The following IL1RAPL1 variants were observed in gnomAD, a reference collection of about 807,000 sequenced individuals.
IL1RAPL1 encodes the protein interleukin-1 receptor accessory protein-like 1.
In IL1RAPL1, 3 loss-of-function variants were observed where a neutral mutation model predicts 48.4. That is an observed-to-expected ratio of 0.06 (90% CI 0.03 to 0.16). The LOEUF (loss-of-function observed/expected upper bound fraction) is 0.16. Among genes scored for constraint, IL1RAPL1 ranks in the 10% least tolerant of loss-of-function variants. The probability of loss-of-function intolerance (pLI) is 1.00; values close to 1 mark genes in which losing one functional copy is unlikely to be tolerated. For missense variants in IL1RAPL1, 349 were observed against 530.6 expected (o/e 0.66, Z 3.36); for synonymous variants, 185 against 187.7 (o/e 0.99, Z 0.12).
intron 2 of IL1RAPL1, among the ~76,000 whole-genome samples, chrX:29,012,209 A>G (rs369094793): frequency 8.9e-6 from 1 of 112,634 alleles, no homozygotes; most frequent in South Asian, 3.6e-4. Context: ...TCTAGATAGC[A>G]TCTAGTTTGA....
intron 5 of IL1RAPL1, among the ~76,000 whole-genome samples, chrX:29,461,887 C>T (rs1448223337): frequency 9.0e-6 from 1 of 111,495 alleles, no homozygotes; most frequent in Non-Finnish European, 1.9e-5. Context: ...TACAAATTGG[C>T]ATGAAGAAAC....
intron 5 of IL1RAPL1, among the ~76,000 whole-genome samples, chrX:29,415,518 C>T (rs1263237867): frequency 9.0e-6 from 1 of 110,516 alleles, no homozygotes; most frequent in Non-Finnish European, 1.9e-5. Context: ...CTCCCGGGTT[C>T]AAGTGATTCT....
rs1932877731 is a variant in IL1RAPL1, at chrX:29,925,409, ACTG to A, written c.1057+5316_1057+5318del. ...AGTCAAAATTTTCTTCTGTCCCGTA[ACTG>A]TTTTTTTTTTTTTTTTTTTTTTTTT... On this transcript the variant is annotated intron_variant, in intron 8 of 10. Coordinates refer to ENST00000378993, the MANE Select transcript of IL1RAPL1 (RefSeq NM_014271.4). Among the ~76,000 whole-genome samples the A allele has an allele frequency of 3.1e-4, 4 of 12,737 alleles. No individual in the cohort carries two copies. The South Asian group carries it at 0.017, about 54-fold the overall frequency. 11.1% of individuals were successfully genotyped at this position (12,737 alleles called of 115,157 possible).
At chrX:29,210,829 T>A (rs1001354453) in intron 2 of IL1RAPL1, among the ~76,000 whole-genome samples, 1 of 112,187 alleles carries the variant, frequency 8.9e-6, no homozygotes, top group Non-Finnish European at 1.9e-5. Context: ...TATGAAATCT[T>A]CTATTCTTTG....
intron 3 of IL1RAPL1, among the ~76,000 whole-genome samples, chrX:29,367,552 T>TTTTA (rs35288881): frequency 0.15 from 14,396 of 98,374 alleles, 1,301 homozygotes; most frequent in East Asian, 0.41. Flanking sequence ...TTCTATTTAT[T>TTTTA]TTTATTTATT....
At chrX:28,798,452 C>T (rs1569175298) in intron 2 of IL1RAPL1, among the ~76,000 whole-genome samples, 1 of 111,890 alleles carries the variant, frequency 8.9e-6, no homozygotes, top group Non-Finnish European at 1.9e-5. Flanking sequence ...CTCTCTCTTT[C>T]CCTTATAAGG....
At chrX:29,131,996 A>C (rs1929032577) in intron 2 of IL1RAPL1, among the ~76,000 whole-genome samples, 4 of 111,737 alleles carry the variant, frequency 3.6e-5, no homozygotes, top group Admixed American at 1.9e-4. Flanking sequence ...GCTTTCTGTA[A>C]GTCTGATGTC....
intron 6 of IL1RAPL1, among the ~76,000 whole-genome samples, chrX:29,843,767 T>C (rs757767428): frequency 9.3e-6 from 1 of 107,721 alleles, no homozygotes; most frequent in Admixed American, 9.9e-5. Context: ...CTCTCTCTCT[T>C]CAATTCTCTC....
chrX:28,740,274 A>G (rs772145157), intron 1 of IL1RAPL1, among the ~76,000 whole-genome samples: 4 of 112,060 alleles, frequency 3.6e-5, no homozygotes, highest in Non-Finnish European at 7.5e-5. Flanking sequence ...CTGAATTTAA[A>G]CTAAGCTGCT....
chrX:28,788,588 T>C (rs1936497455), intron 1 of IL1RAPL1, among the ~76,000 whole-genome samples: 1 of 108,272 alleles, frequency 9.2e-6, no homozygotes, highest in Non-Finnish European at 1.9e-5. Flanking sequence ...TACATCAGCC[T>C]CCCAAGTAGC....
intron 2 of IL1RAPL1, among the ~76,000 whole-genome samples, chrX:28,967,636 C>T (rs1924952659): frequency 9.0e-6 from 1 of 111,595 alleles, no homozygotes; most frequent in Non-Finnish European, 1.9e-5. Flanking sequence ...AAGCACTTGA[C>T]ATTTAAATAC....
intron 6 of IL1RAPL1, among the ~76,000 whole-genome samples, chrX:29,765,641 C>G (rs1032385003): frequency 8.9e-6 from 1 of 111,994 alleles, no homozygotes; most frequent in African/African-American, 3.3e-5. Flanking sequence ...CATCAAGATA[C>G]AGCTGTTTGA....
intron 8 of IL1RAPL1, among the ~76,000 whole-genome samples, chrX:29,936,147 G>C (rs1481050289): frequency 9.2e-6 from 1 of 109,213 alleles, no homozygotes; most frequent in Non-Finnish European, 1.9e-5. Context: ...ATGTATTGTA[G>C]AACTGAGTTG....
intron 2 of IL1RAPL1, among the ~76,000 whole-genome samples, chrX:28,903,312 G>T (rs1403156028): frequency 1.8e-5 from 2 of 110,875 alleles, no homozygotes; most frequent in African/African-American, 3.3e-5. Flanking sequence ...TAGAGATGGG[G>T]TTTTGCCATG....
intron 2 of IL1RAPL1, among the ~76,000 whole-genome samples, chrX:28,850,455 TC>T (rs1269265127): frequency 3.6e-5 from 4 of 110,814 alleles, no homozygotes; most frequent in African/African-American, 1.3e-4. Context: ...ATGTGGGAAC[TC>T]CACTGATGGC....
chrX:29,338,307 T>C (rs895998778), intron 3 of IL1RAPL1, among the ~76,000 whole-genome samples: 5 of 111,561 alleles, frequency 4.5e-5, no homozygotes, highest in Non-Finnish European at 7.5e-5. Flanking sequence ...GCCAAATACA[T>C]TTGAACATAG....
chrX:29,231,338 A>T (rs1931198699), intron 2 of IL1RAPL1, among the ~76,000 whole-genome samples: 1 of 111,616 alleles, frequency 9.0e-6, no homozygotes, highest in South Asian at 3.7e-4. Flanking sequence ...AGCAGTTTGC[A>T]ACCGGTTCTG....
At chrX:28,789,748 ATAT>A (rs775543488) in intron 2 of IL1RAPL1, among the ~76,000 whole-genome samples, 48 of 111,937 alleles carry the variant, frequency 4.3e-4, no homozygotes, top group Non-Finnish European at 7.9e-4. Context: ...TTGCATGGAA[ATAT>A]TATTGTATCT....
At position 29,568,219 on chromosome X, in the gene IL1RAPL1, A is replaced by G. The variant is rs7890219; in HGVS notation, c.704-100211A>G. On this transcript the variant is annotated intron_variant, in intron 5 of 10. Coordinates refer to ENST00000378993, the MANE Select transcript of IL1RAPL1 (RefSeq NM_014271.4). ...GAATAACAGATTATTCTTGATTTAA[A>G]GATCAAGAATAACAGATTATTCTTG... Among the ~76,000 whole-genome samples the G allele has an allele frequency of 5.3e-3, 245 of 46,036 alleles. 36 individuals are homozygous for G. Among genetic ancestry groups the G allele is most frequent in the African/African-American group, 0.029 (226 of 7,917 alleles). 40.0% of individuals were successfully genotyped at this position (46,036 alleles called of 115,157 possible).
Sources: allele counts gnomAD v4.1 joint callset (sites outside exome capture counted in the v4.1 genomes callset), GRCh38; gene constraint gnomAD v4.1.1; transcripts MANE v1.5; gene names NCBI Gene and HGNC (gene_info 2026-07-23, HGNC 2026-07-21).